Variants in PPP6R2 observed in about 807,000 individuals in gnomAD.
PPP6R2 encodes the protein serine/threonine-protein phosphatase 6 regulatory subunit 2.
In PPP6R2, 62 loss-of-function variants were observed where a neutral mutation model predicts 100.2. The ratio of observed to expected loss-of-function variants is 0.62; its 90% CI spans 0.50 to 0.76. The LOEUF (loss-of-function observed/expected upper bound fraction) is 0.76, where lower values mean the gene tolerates loss of function less well. PPP6R2 is among the 30% of genes least tolerant of loss of function. The probability of loss-of-function intolerance (pLI) is 0.00; values close to 1 mark genes in which losing one functional copy is unlikely to be tolerated. For missense variants in PPP6R2, 1,142 were observed against 1,276.3 expected (o/e 0.89, Z 1.60); for synonymous variants, 525 against 514.7 (o/e 1.02, Z -0.27).
chr22:50,333,418 G>A, the PPP6R2 span, among the ~76,000 whole-genome samples: 1 of 151,076 alleles, frequency 6.6e-6, no homozygotes, highest in African/African-American at 2.4e-5. Context: ...CTCACTGCAA[G>A]CTCCGCCTCC....
At chr22:50,429,284 GCCTCCCAAAGTGT>G (rs1038465371) in intron 10 of PPP6R2, among the ~76,000 whole-genome samples, 48 of 152,278 alleles carry the variant, frequency 3.2e-4, no homozygotes, top group African/African-American at 1.2e-3. Flanking sequence ...ACCCTCCTCG[GCCTCCCAAAGTGT>G]TGGGATTACA....
rs1047891507 is a variant in PPP6R2, at chr22:50,443,323, GGTGAGCTTCCT to G, written c.2580-542_2580-532del. ...CACCGTCGTCACGGCCCAGCCTGCA[GGTGAGCTTCCT>G]CGCGCCCCCGCCTGACCTGAGTGCC... On this transcript the variant is annotated intron_variant, in intron 22 of 23. Coordinates refer to ENST00000612753, the MANE Select transcript of PPP6R2 (RefSeq NM_001242898.2). 1.2e-3 allele frequency: 189 copies of G among 153,902 alleles called. 2 individuals carry two copies. The highest frequency in any genetic ancestry group is 0.012 in the Admixed American group (187 of 15,508). The allele number at this position is 153,902 out of a possible 1,614,324, so 9.5% of individuals were successfully genotyped here. A position where few individuals can be genotyped will look rare whatever the true frequency, so the allele number is the denominator to read the frequency against.
intron 2 of PPP6R2, among the ~76,000 whole-genome samples, chr22:50,372,824 G>T (rs956323376): frequency 2.0e-5 from 3 of 151,828 alleles, no homozygotes; most frequent in South Asian, 2.1e-4. Context: ...AAGTAGCTGG[G>T]ACTACAGGCA....
intron 1 of PPP6R2, among the ~76,000 whole-genome samples, chr22:50,364,521 A>G (rs1285908056): frequency 6.6e-6 from 1 of 152,200 alleles, no homozygotes; most frequent in Non-Finnish European, 1.5e-5. Context: ...AGACTTCAAT[A>G]TATTTAAAAA....
chr22:50,435,864 A>G (rs888734128), intron 13 of PPP6R2, among the ~76,000 whole-genome samples: 1 of 152,194 alleles, frequency 6.6e-6, no homozygotes, highest in Admixed American at 6.5e-5. Flanking sequence ...GCAAGCAGGA[A>G]GCTGTTGGAT....
At chr22:50,413,581 A>G (rs928802964) in intron 4 of PPP6R2, among the ~76,000 whole-genome samples, 1 of 152,128 alleles carries the variant, frequency 6.6e-6, no homozygotes, top group African/African-American at 2.4e-5. Flanking sequence ...CATTCTTAAT[A>G]TTGTTATTTG....
the PPP6R2 span, among the ~76,000 whole-genome samples, chr22:50,338,062 G>GGT: frequency 7.0e-6 from 1 of 142,974 alleles, no homozygotes; most frequent in African/African-American, 2.8e-5. Flanking sequence ...TGATGTGTGT[G>GGT]GTGTGTGTGG....
At chr22:50,383,127 C>T (rs1257835387) in intron 2 of PPP6R2, among the ~76,000 whole-genome samples, 3 of 152,074 alleles carry the variant, frequency 2.0e-5, no homozygotes, top group South Asian at 2.1e-4. Flanking sequence ...CATAAGCCAG[C>T]ACACCCGGCC....
chr22:50,416,398 G>A (rs945446151), intron 6 of PPP6R2, among the ~76,000 whole-genome samples: 8 of 150,814 alleles, frequency 5.3e-5, no homozygotes, highest in Non-Finnish European at 1.0e-4. Flanking sequence ...GTGCAATCTC[G>A]GCTCACCACA....
chr22:50,419,079 T>C, intron 7 of PPP6R2, 100 bp downstream of exon 7: 1 of 967,262 alleles, frequency 1.0e-6, no homozygotes, highest in South Asian at 1.4e-5. Flanking sequence ...TGCCACCTCC[T>C]CTGATTCACA....
In PPP6R2 at chr22:50,431,797, C is replaced by T. The variant is rs1243871499; in HGVS notation, c.1335+415C>T. 1.3e-5 allele frequency among the ~76,000 whole-genome samples: 2 copies of T among 152,088 alleles called. No individual in the cohort carries two copies. The highest frequency in any genetic ancestry group is 3.9e-4 in the East Asian group (2 of 5,192). On this transcript the variant is annotated intron_variant, in intron 11 of 23. Transcript: ENST00000612753. The surrounding 1 kb of genome is among the most constrained non-coding windows in gnomAD (Gnocchi z 4.8). Reference sequence around the variant, plus strand: ...CCGGATAGCAAGGCCACAGGTATATCGTAGTGTGAGGTGGAGCCCAGGAAA... The same window carrying T: ...CCGGATAGCAAGGCCACAGGTATATTGTAGTGTGAGGTGGAGCCCAGGAAA...
In PPP6R2 at chr22:50,421,340, GATT is replaced by G. The variant is rs888044990; in HGVS notation, c.846-898_846-896del. Among the ~76,000 whole-genome samples, 15 of 152,078 alleles carry G rather than the reference GATT, an allele frequency of 9.9e-5. No homozygotes were observed. In the Middle Eastern group the frequency reaches 0.014, roughly 138 times the overall value. On this transcript the variant is annotated intron_variant, in intron 8 of 23. Coordinates refer to ENST00000612753, the MANE Select transcript of PPP6R2 (RefSeq NM_001242898.2). ...CCAGCTGTTTCTCTTAGATTATTGT[GATT>G]ATTATTATTATTATTTTCAGACAGT...
chr22:50,373,172 C>T (rs868644774), intron 2 of PPP6R2, among the ~76,000 whole-genome samples: 8 of 152,038 alleles, frequency 5.3e-5, no homozygotes, highest in Middle Eastern at 3.4e-3. Context: ...ATATAAGATA[C>T]TCTTACGAGG....
chr22:50,388,623 C>T (rs1602951069), intron 2 of PPP6R2, among the ~76,000 whole-genome samples: 2 of 152,146 alleles, frequency 1.3e-5, no homozygotes, highest in Middle Eastern at 6.8e-3. Context: ...CCTATAATCC[C>T]AGCATTTTGG....
intron 3 of PPP6R2, among the ~76,000 whole-genome samples, chr22:50,394,782 C>T (rs1376613728): frequency 6.6e-6 from 1 of 151,264 alleles, no homozygotes; most frequent in African/African-American, 2.4e-5. Context: ...GGCGGGCGCC[C>T]GTAGTCCCAG....
At chr22:50,388,579 A>T (rs539817275) in intron 2 of PPP6R2, among the ~76,000 whole-genome samples, 1 of 152,060 alleles carries the variant, frequency 6.6e-6, no homozygotes, top group South Asian at 2.1e-4. Flanking sequence ...ATACACATAA[A>T]TTTTTTAAAA....
In PPP6R2 at chr22:50,436,498, G is replaced by T. The variant is rs548716538; in HGVS notation, c.1602+46G>T. ...CCCCTCGGTGCACGCACGGTGCTGG[G>T]ACGCCGTCAGACGCTCCTGCCTTTG... is the stretch of plus-strand genomic sequence containing the variant. On this transcript the variant is annotated intron_variant, in intron 14 of 23. Transcript: ENST00000612753. 4 of 1,522,296 alleles carry T rather than the reference G, an allele frequency of 2.6e-6. No individual in the cohort carries two copies. The South Asian group carries it at 4.8e-5, about 18-fold the overall frequency. 94.3% of individuals were successfully genotyped at this position (1,522,296 alleles called of 1,614,324 possible).
At chr22:50,400,674 A>C (rs1446115234) in intron 3 of PPP6R2, among the ~76,000 whole-genome samples, 2 of 152,204 alleles carry the variant, frequency 1.3e-5, no homozygotes, top group Non-Finnish European at 2.9e-5. Context: ...AGCTTGGGCG[A>C]ATTTAGTAAT....
rs12485154 is a variant in PPP6R2, at chr22:50,401,277, G to A, written c.228-5412G>A. 6.7e-3 allele frequency among the ~76,000 whole-genome samples: 1,010 copies of A among 151,762 alleles called. 4 individuals are homozygous for A. The highest frequency in any genetic ancestry group is 0.026 in the South Asian group (126 of 4,794). On this transcript the variant is annotated intron_variant, in intron 3 of 23. Transcript: ENST00000612753. ...GGCTGGAGTGAAGTGGCACGATCTC[G>A]GCTCACTGCAACCTTCACCTCCGGG...
Sources: gnomAD v4.1 joint callset for allele counts (sites outside exome capture counted in the v4.1 genomes callset) on GRCh38, gnomAD v4.1.1 for gene constraint, Gnocchi (gnomAD v3.1) non-coding constraint, MANE v1.5 for transcripts, NCBI Gene and HGNC (gene_info 2026-07-23, HGNC 2026-07-21) for gene names.